The following TMEM132C variants were observed in gnomAD, a reference collection of about 807,000 sequenced individuals.
TMEM132C encodes the protein transmembrane protein 132C.
TMEM132C carries 29 observed loss-of-function variants against 61.4 expected under a neutral mutation model. The observed-to-expected ratio is 0.47, with a 90% CI of 0.35 to 0.64. The LOEUF (loss-of-function observed/expected upper bound fraction) is 0.64. TMEM132C is among the 30% of genes least tolerant of loss of function. The pLI, the probability that TMEM132C is intolerant of heterozygous loss-of-function variation, is 0.00. For synonymous variants in TMEM132C, 656 were observed against 633.1 expected (o/e 1.04, Z -0.54); for missense variants, 1,408 against 1,476.9 (o/e 0.95, Z 0.76).
chr12:128,455,525 C>T (rs969190700), intron 2 of TMEM132C, among the ~76,000 whole-genome samples: 4 of 152,230 alleles, frequency 2.6e-5, no homozygotes. Context: ...CACCCTTTCT[C>T]CCACTGAGAT....
chr12:128,621,655 C>T (rs1953964419), intron 4 of TMEM132C, among the ~76,000 whole-genome samples: 1 of 152,154 alleles, frequency 6.6e-6, no homozygotes, highest in Non-Finnish European at 1.5e-5. Flanking sequence ...TTTCGGGAGC[C>T]CTGGGACACA....
intron 4 of TMEM132C, among the ~76,000 whole-genome samples, chr12:128,665,740 CAT>C (rs1954457019): frequency 7.0e-6 from 1 of 143,560 alleles, no homozygotes; most frequent in African/African-American, 2.8e-5. Context: ...CAGGCACACA[CAT>C]ACACCCAGGC....
intron 3 of TMEM132C, among the ~76,000 whole-genome samples, chr12:128,587,893 A>G (rs1875607733): frequency 6.6e-6 from 1 of 152,234 alleles, no homozygotes; most frequent in Admixed American, 6.5e-5. Context: ...TGAGGAAAAC[A>G]TGATGCAGGC....
At chr12:128,371,992 A>G (rs1593028892) in intron 1 of TMEM132C, among the ~76,000 whole-genome samples, 1 of 152,188 alleles carries the variant, frequency 6.6e-6, no homozygotes, top group Non-Finnish European at 1.5e-5. Context: ...TGCAGTCATC[A>G]CCATGACTTC....
chr12:128,272,288 A>G (rs1263713048), intron 1 of TMEM132C, among the ~76,000 whole-genome samples: 1 of 152,198 alleles, frequency 6.6e-6, no homozygotes. Flanking sequence ...TGCAGTATGC[A>G]GCTTTTGGAT....
At chr12:128,378,055 G>A (rs1429400510) in intron 1 of TMEM132C, among the ~76,000 whole-genome samples, 2 of 152,116 alleles carry the variant, frequency 1.3e-5, no homozygotes, top group Non-Finnish European at 2.9e-5. Context: ...CAGCGTGTTA[G>A]GGTTGTTACT....
chr12:128,627,448 C>T (rs78057913), intron 4 of TMEM132C, among the ~76,000 whole-genome samples: 1 of 152,114 alleles, frequency 6.6e-6, no homozygotes, highest in African/African-American at 2.4e-5. Flanking sequence ...CCCAACCACC[C>T]CAGTCTGGAA....
intron 2 of TMEM132C, among the ~76,000 whole-genome samples, chr12:128,506,912 C>G (rs2136114157): frequency 6.6e-6 from 1 of 152,252 alleles, no homozygotes; most frequent in South Asian, 2.1e-4. Context: ...TGAAACTTTG[C>G]TGTAGCTGAT....
At chr12:128,569,885 A>G (rs1264104808) in intron 3 of TMEM132C, among the ~76,000 whole-genome samples, 3 of 152,306 alleles carry the variant, frequency 2.0e-5, no homozygotes, top group African/African-American at 7.2e-5. Flanking sequence ...AATACTGAAA[A>G]AGAAGAAATT....
At chr12:128,347,559 G>T (rs755246146) in intron 1 of TMEM132C, among the ~76,000 whole-genome samples, 5 of 152,090 alleles carry the variant, frequency 3.3e-5, no homozygotes, top group Non-Finnish European at 5.9e-5. Context: ...CTCCCAAGTA[G>T]CTGGGATAAC....
At chr12:128,316,109 G>C (rs1228774051) in intron 1 of TMEM132C, among the ~76,000 whole-genome samples, 1 of 151,954 alleles carries the variant, frequency 6.6e-6, no homozygotes, top group Non-Finnish European at 1.5e-5. Flanking sequence ...GCAGGAGAAA[G>C]GAGTACTTTT....
chr12:128,288,482 G>C (rs966213799), intron 1 of TMEM132C: 3 of 152,062 alleles, frequency 2.0e-5, no homozygotes, highest in African/African-American at 4.8e-5. Flanking sequence ...GTTCTGGCGT[G>C]AGTGGTTTCT....
At chr12:128,694,942 A>G (rs1165005722) in intron 6 of TMEM132C, among the ~76,000 whole-genome samples, 1 of 152,216 alleles carries the variant, frequency 6.6e-6, no homozygotes, top group Non-Finnish European at 1.5e-5. Flanking sequence ...CAAGCTACCT[A>G]ACCTCTCTGT....
At chr12:128,678,578 G>A (rs1954611502) in intron 5 of TMEM132C, among the ~76,000 whole-genome samples, 1 of 152,194 alleles carries the variant, frequency 6.6e-6, no homozygotes, top group Non-Finnish European at 1.5e-5. Context: ...CATGCAGGAC[G>A]ATGCCTTTGT....
intron 3 of TMEM132C, among the ~76,000 whole-genome samples, chr12:128,547,340 G>A (rs942995410): frequency 1.5e-4 from 23 of 150,722 alleles, no homozygotes; most frequent in Admixed American, 3.3e-4. Context: ...ACAGTGGTTC[G>A]TTCCTTGCCT....
intron 2 of TMEM132C, among the ~76,000 whole-genome samples, chr12:128,448,301 A>G (rs953201914): frequency 1.3e-5 from 2 of 152,114 alleles, no homozygotes; most frequent in African/African-American, 4.8e-5. Context: ...AGCAACAACT[A>G]TTTCTTTACC....
chr12:128,269,653 T>G (rs1471310855), intron 1 of TMEM132C, among the ~76,000 whole-genome samples: 1 of 152,120 alleles, frequency 6.6e-6, no homozygotes, highest in African/African-American at 2.4e-5. Context: ...TGGGGGTGCA[T>G]AAGGGCCTGC....
chr12:128,274,996 T>A (rs1870636945), intron 1 of TMEM132C, among the ~76,000 whole-genome samples: 1 of 152,204 alleles, frequency 6.6e-6, no homozygotes, highest in Admixed American at 6.5e-5. Context: ...GGAAAGGATT[T>A]TCCTCCCAGA....
At chr12:128,516,781 G>T (rs1380020094) in intron 2 of TMEM132C, among the ~76,000 whole-genome samples, 1 of 151,976 alleles carries the variant, frequency 6.6e-6, no homozygotes, top group African/African-American at 2.4e-5. Context: ...AGGTGTGGTG[G>T]TACATTCCTG....
Sources: allele counts gnomAD v4.1 joint callset (sites outside exome capture counted in the v4.1 genomes callset), GRCh38; gene constraint gnomAD v4.1.1; transcripts MANE v1.5; gene names NCBI Gene and HGNC (gene_info 2026-07-23, HGNC 2026-07-21).